Variants in CMKLR1 observed in about 807,000 individuals in gnomAD.
CMKLR1 encodes chemerin-like receptor 1.
In CMKLR1, 6 loss-of-function variants were observed where a neutral mutation model predicts 8.2. The observed-to-expected ratio is 0.73, with a 90% CI of 0.40 to 1.44. The LOEUF is 1.44. CMKLR1 is among the 40% of genes most tolerant of loss of function. CMKLR1 has a pLI of 0.02. For synonymous variants in CMKLR1, 178 were observed against 181.2 expected, an observed-to-expected ratio of 0.98 and a Z score of 0.14; for missense variants, 429 against 478.0, an observed-to-expected ratio of 0.90 and a Z score of 0.96.
chr12:108,296,061 G>T (rs146243026), intron 2 of CMKLR1, among the ~76,000 whole-genome samples: 4 of 152,150 alleles, frequency 2.6e-5, no homozygotes, highest in African/African-American at 9.7e-5. Flanking sequence ...CTCTGGAAGC[G>T]TAAGGGAGGC....
chr12:108,304,672 A>C (rs1593163910), intron 2 of CMKLR1, among the ~76,000 whole-genome samples: 2 of 145,674 alleles, frequency 1.4e-5, no homozygotes, highest in African/African-American at 2.6e-5. Flanking sequence ...CTCAGTCTCC[A>C]CCTCCTCCTC....
intron 2 of CMKLR1, among the ~76,000 whole-genome samples, chr12:108,312,192 G>T (rs1289406091): frequency 1.3e-5 from 2 of 152,222 alleles, no homozygotes. Flanking sequence ...AACTGAGGCT[G>T]TAAAAGGAAC....
At chr12:108,321,624 C>T (rs1368108971) in intron 2 of CMKLR1, among the ~76,000 whole-genome samples, 1 of 152,160 alleles carries the variant, frequency 6.6e-6, no homozygotes, top group Non-Finnish European at 1.5e-5. Context: ...TCAGGCTCTG[C>T]TTCAGGGAAA....
intron 2 of CMKLR1, among the ~76,000 whole-genome samples, chr12:108,304,111 C>T (rs558106666): frequency 6.6e-6 from 1 of 152,302 alleles, no homozygotes; most frequent in East Asian, 1.9e-4. Context: ...CAGTGTTAAG[C>T]AGGGATTGCA....
At chr12:108,302,793 G>A (rs1440400856) in intron 2 of CMKLR1, among the ~76,000 whole-genome samples, 1 of 152,150 alleles carries the variant, frequency 6.6e-6, no homozygotes, top group Non-Finnish European at 1.5e-5. Flanking sequence ...GACGCACATT[G>A]AACACATTAG....
Position 108,309,587 on chromosome 12 carries a change from C to T in CMKLR1, c.-73-15923G>A, listed in dbSNP as rs531951582. 2.6e-5 allele frequency among the ~76,000 whole-genome samples: 4 copies of T among 152,104 alleles called. No homozygotes were observed. The East Asian group carries it at 7.7e-4, about 29-fold the overall frequency. ...CAACGTCTAAGGGTCACACTCCTTG[C>T]CAAATGCTGTGGGAGTAAGATGGCC... On this transcript the variant is annotated intron_variant, in intron 2 of 3. Coordinates refer to ENST00000550402, the MANE Select transcript of CMKLR1 (RefSeq NM_001142343.2).
At chr12:108,336,470 C>T (rs978916964) in intron 1 of CMKLR1, among the ~76,000 whole-genome samples, 9 of 151,438 alleles carry the variant, frequency 5.9e-5, no homozygotes, top group South Asian at 2.1e-4. Flanking sequence ...GGCGTGAACC[C>T]GGGAGGCAGA....
In CMKLR1 at chr12:108,292,231, C is replaced by A; in HGVS notation, c.732G>T (p.Val244=). Reference sequence around the variant, plus strand: ...CCAGGCGGTTGCGCTGCAGTTTGCACACGATGGTGAGGTAGCAAGCTGTGA... The same window carrying A: ...CCAGGCGGTTGCGCTGCAGTTTGCAAACGATGGTGAGGTAGCAAGCTGTGA... The part of the protein sequence containing the change: ...LIITACYLTI[V]CKLQRNRLAK... Residue 244 remains valine (V), a synonymous_variant, in exon 4 of 4, where the codon GTG becomes GTT. Transcript: ENST00000550402. 1 of 1,613,792 alleles carries A rather than the reference C, an allele frequency of 6.2e-7. No individual in the cohort carries two copies. The highest frequency in any genetic ancestry group is 8.5e-7 in the Non-Finnish European group (1 of 1,179,940).
intron 2 of CMKLR1, among the ~76,000 whole-genome samples, chr12:108,312,358 A>T (rs1275212657): frequency 6.6e-6 from 1 of 152,210 alleles, no homozygotes; most frequent in Non-Finnish European, 1.5e-5. Context: ...GTGTCCAGGC[A>T]GCATTCCTTC....
chr12:108,288,838 TGAA>T lies in CMKLR1; in HGVS notation c.*3000_*3002del, dbSNP rs916874423. 6.6e-6 allele frequency: 1 copy of T among 152,418 alleles called. No homozygotes were observed. Among genetic ancestry groups the T allele is most frequent in the African/African-American group, 2.4e-5 (1 of 41,552 alleles). The allele number at this position is 152,418 out of a possible 1,614,324, so 9.4% of individuals were successfully genotyped here. On this transcript the variant is annotated 3_prime_UTR_variant, in exon 4 of 4. Transcript: ENST00000550402. ...CTCCCCACCCTCTCCTTCCAAGGGCTGAAGAAGTTGGGCATTCAGGCAGCTGAC... is the reference window on the plus strand; with the variant it reads ...CTCCCCACCCTCTCCTTCCAAGGGCTGAAGTTGGGCATTCAGGCAGCTGAC...
intron 2 of CMKLR1, among the ~76,000 whole-genome samples, chr12:108,299,314 C>G (rs1351401075): frequency 6.6e-6 from 1 of 152,200 alleles, no homozygotes; most frequent in Non-Finnish European, 1.5e-5. Flanking sequence ...TTCTCTTGAC[C>G]AACACATTTG....
At chr12:108,334,633 C>T (rs145627368) in intron 1 of CMKLR1, among the ~76,000 whole-genome samples, 20 of 152,322 alleles carry the variant, frequency 1.3e-4, no homozygotes, top group East Asian at 7.7e-4. Flanking sequence ...AGGAAAATCC[C>T]GACTCTAACC....
intron 2 of CMKLR1, among the ~76,000 whole-genome samples, chr12:108,304,138 AG>A (rs2137307599): frequency 6.6e-6 from 1 of 152,308 alleles, no homozygotes; most frequent in East Asian, 1.9e-4. Flanking sequence ...GAGGACAGCA[AG>A]GTTGGGTGTT....
Position 108,292,674 on chromosome 12 carries a change from T to C in CMKLR1, c.289A>G (p.Thr97Ala). The C allele has an allele frequency of 2.5e-6, 4 of 1,613,986 alleles. No homozygotes were observed. In the East Asian group the frequency reaches 8.9e-5, roughly 36 times the overall value. ...CAGTGGTAGTCCATGGCGGCATAGG[T>C]GATATGGATTGGGAGGAAGACGTTG... is the stretch of plus-strand genomic sequence containing the variant. Reference protein sequence around the residue: ...LFNVFLPIHITYAAMDYHWVF... With the variant: ...LFNVFLPIHIAYAAMDYHWVF... Residue 97 changes from threonine (T) to alanine (A), a missense_variant, in exon 4 of 4, where the codon ACC (threonine) becomes GCC (alanine). Physicochemically the swap from Thr to Ala is moderately conservative, Grantham distance 58. Coordinates refer to ENST00000550402, the MANE Select transcript of CMKLR1 (RefSeq NM_001142343.2).
In CMKLR1 at chr12:108,291,902, G is replaced by A. The variant is rs1384347378; in HGVS notation, c.1061C>T (p.Thr354Ile). The A allele has an allele frequency of 5.6e-6, 9 of 1,614,046 alleles. No homozygotes were observed. The Admixed American group carries it at 1.0e-4, about 18-fold the overall frequency. ...CCTCTCATTCATTGATGACATCTTG[G>A]TAAAGCTTCTATGGCTGGGGTAGGA... ...HSSYPSHRSF[T>I]KMSSMNERTS... The change falls in exon 4 of 4, where the codon ACC becomes ATC. Residue 354 changes from threonine (T) to isoleucine (I), a missense_variant. Physicochemically the swap from Thr to Ile is moderately conservative, Grantham distance 89. Coordinates refer to ENST00000550402, the MANE Select transcript of CMKLR1 (RefSeq NM_001142343.2).
In CMKLR1 at chr12:108,290,818, C is replaced by T. The variant is rs1355221629; in HGVS notation, c.*1023G>A. On this transcript the variant is annotated 3_prime_UTR_variant, in exon 4 of 4. Transcript: ENST00000550402. ...GACATACTCTTCTTCCCAGGGGACTCTCCGGAGTTGCTTCCCAAAGCTGCA... is the reference window on the plus strand; with the variant it reads ...GACATACTCTTCTTCCCAGGGGACTTTCCGGAGTTGCTTCCCAAAGCTGCA... 1 of 152,246 alleles carries T rather than the reference C, an allele frequency of 6.6e-6. No homozygotes were observed. The highest frequency in any genetic ancestry group is 2.4e-5 in the African/African-American group (1 of 41,446). The allele number at this position is 152,246 out of a possible 1,614,324, so 9.4% of individuals were successfully genotyped here.
intron 2 of CMKLR1, among the ~76,000 whole-genome samples, chr12:108,319,676 T>C (rs1452927836): frequency 6.6e-6 from 1 of 152,208 alleles, no homozygotes; most frequent in Non-Finnish European, 1.5e-5. Flanking sequence ...ATGTTCTCAG[T>C]ATATTATCCA....
intron 2 of CMKLR1, among the ~76,000 whole-genome samples, chr12:108,300,558 G>T (rs1032420175): frequency 6.6e-6 from 1 of 152,128 alleles, no homozygotes; most frequent in Non-Finnish European, 1.5e-5. Context: ...TGACATTGTT[G>T]ATGCCATAGA....
At position 108,292,585 on chromosome 12, in the gene CMKLR1, G is replaced by T. The variant is rs771942258; in HGVS notation, c.378C>A (p.Ser126Arg). 7 of 1,614,040 alleles carry T rather than the reference G, an allele frequency of 4.3e-6. No homozygotes were observed. The highest frequency in any genetic ancestry group is 1.7e-5 in the Admixed American group (1 of 60,004). Residue 126 changes from serine (S) to arginine (R), a missense_variant, in exon 4 of 4, where the codon AGC (serine) becomes AGA (arginine). By Grantham distance (110) the Ser-to-Arg change is moderately radical (BLOSUM62 -1). Coordinates refer to ENST00000550402, the MANE Select transcript of CMKLR1 (RefSeq NM_001142343.2). ...AGCTGATGATGGTCAGCAGGAAGAC[G>T]CTGGTGAACATGTTGTGGATGAGAA... ...NFLLIHNMFT[S>R]VFLLTIISSD...
Sources: allele counts gnomAD v4.1 joint callset (sites outside exome capture counted in the v4.1 genomes callset), GRCh38; gene constraint gnomAD v4.1.1; transcripts MANE v1.5; gene names NCBI Gene and HGNC (gene_info 2026-07-23, HGNC 2026-07-21).